Variants in IMPA2 observed in about 807,000 individuals in gnomAD.
IMPA2 encodes the protein inositol monophosphatase 2, also known as IMP 2.
In IMPA2, 32 loss-of-function variants were observed where a neutral mutation model predicts 35.1. The observed-to-expected ratio is 0.91, with a 90% CI of 0.69 to 1.23. The LOEUF (loss-of-function observed/expected upper bound fraction) is 1.23. IMPA2 is among the 50% of genes most tolerant of loss of function. IMPA2 has a pLI of 0.00. For missense variants in IMPA2, 334 were observed against 387.6 expected, an observed-to-expected ratio of 0.86 and a Z score of 1.16; for synonymous variants, 135 against 160.6, an observed-to-expected ratio of 0.84 and a Z score of 1.20.
chr18:12,003,887 G>A (rs1164829189), intron 2 of IMPA2, among the ~76,000 whole-genome samples: 5 of 152,176 alleles, frequency 3.3e-5, no homozygotes, highest in Admixed American at 6.5e-5. Flanking sequence ...TAGAAACCCC[G>A]TCCTTGTCCC....
chr18:12,030,060 A>G (rs115767698), intron 7 of IMPA2, among the ~76,000 whole-genome samples: 2,128 of 152,236 alleles, frequency 0.014, 43 homozygotes, highest in African/African-American at 0.046. Context: ...ATTTCTTAGG[A>G]CTTTTATGTT....
chr18:12,024,144 T>C (rs1466884887), intron 5 of IMPA2, among the ~76,000 whole-genome samples: 5 of 152,246 alleles, frequency 3.3e-5, no homozygotes, highest in Admixed American at 2.0e-4. Flanking sequence ...AGAGTGCGGC[T>C]GTTAAGAGTA....
At chr18:12,030,197 A>G (rs1908007529) in intron 7 of IMPA2, 146 bp from the exon 8 acceptor site, 1 of 649,620 alleles carries the variant, frequency 1.5e-6, no homozygotes, top group African/African-American at 1.8e-5. Flanking sequence ...TCACTCCTAG[A>G]CCACCTGTTT....
chr18:11,993,652 AG>A (rs1448663857), intron 1 of IMPA2, among the ~76,000 whole-genome samples: 33 of 152,340 alleles, frequency 2.2e-4, no homozygotes, highest in African/African-American at 7.7e-4. Context: ...ACCCAGGAAG[AG>A]GGGCCTCAGC....
At chr18:12,023,026 C>T (rs1264922756) in intron 5 of IMPA2, among the ~76,000 whole-genome samples, 1 of 146,336 alleles carries the variant, frequency 6.8e-6, no homozygotes, top group African/African-American at 2.5e-5. Flanking sequence ...AACTCCTGGC[C>T]TCAAATGATC....
intron 1 of IMPA2, among the ~76,000 whole-genome samples, chr18:11,986,717 G>C (rs1906676473): frequency 6.6e-6 from 1 of 152,202 alleles, no homozygotes; most frequent in Non-Finnish European, 1.5e-5. Flanking sequence ...CTCACCCCTT[G>C]TCCTGTGTCC....
chr18:11,981,589 T>C lies in IMPA2; in HGVS notation c.-81T>C. 1 of 949,330 alleles carries C rather than the reference T, an allele frequency of 1.1e-6. No individual in the cohort carries two copies. The highest frequency in any genetic ancestry group is 1.4e-6 in the Non-Finnish European group (1 of 734,778). 58.8% of individuals were successfully genotyped at this position (949,330 alleles called of 1,614,324 possible). ...GAGCAGGCACAGGGAGTGTGGAGCC[T>C]GGCGGCGGGACGGCGGGATCCGGTG... On this transcript the variant is annotated 5_prime_UTR_variant, in exon 1 of 8. Coordinates refer to ENST00000269159, the MANE Select transcript of IMPA2 (RefSeq NM_014214.3).
chr18:12,007,598 T>TTC (rs1371764680), intron 2 of IMPA2, among the ~76,000 whole-genome samples: 499 of 147,254 alleles, frequency 3.4e-3, no homozygotes, highest in African/African-American at 7.3e-3. Flanking sequence ...TTTTCTTTCT[T>TTC]TCTTTCTCTT....
At chr18:12,007,667 CTTT>C (rs774065438) in intron 2 of IMPA2, among the ~76,000 whole-genome samples, 25 of 98,522 alleles carry the variant, frequency 2.5e-4, no homozygotes, top group African/African-American at 5.1e-4. Context: ...TTCTTTCTTT[CTTT>C]CTTTCTTTCC....
chr18:12,008,740 T>C, intron 2 of IMPA2: 1 of 360,856 alleles, frequency 2.8e-6, no homozygotes, highest in East Asian at 7.3e-5. Context: ...GAGTTGCCAT[T>C]CGTGGAGGTA....
chr18:11,998,784 G>C (rs1030308190), intron 1 of IMPA2, among the ~76,000 whole-genome samples: 2 of 152,114 alleles, frequency 1.3e-5, no homozygotes, highest in Non-Finnish European at 2.9e-5. Flanking sequence ...TCAAGTAATG[G>C]AGAAATAATT....
chr18:11,985,858 A>G lies in IMPA2; in HGVS notation c.96+4093A>G, dbSNP rs535590792. The stretch of plus-strand genomic sequence containing the variant: ...TCTACTCAGCTTATCTTTAGCCCAC[A>G]CTGGCTGTATCCACGCCAGTGCCAC... On this transcript the variant is annotated intron_variant, in intron 1 of 7. Transcript: ENST00000269159. 2.0e-5 allele frequency among the ~76,000 whole-genome samples: 3 copies of G among 152,298 alleles called. No individual in the cohort carries two copies. The South Asian group carries it at 6.2e-4, about 32-fold the overall frequency.
rs1568041008 is a variant in IMPA2, at chr18:12,030,326, T to G, written c.752-17T>G. 6.2e-7 allele frequency: 1 copy of G among 1,606,544 alleles called. No individual in the cohort carries two copies. The highest frequency in any genetic ancestry group is 8.5e-7 in the Non-Finnish European group (1 of 1,173,164). On this transcript the variant is annotated splice_polypyrimidine_tract_variant and intron_variant, in intron 7 of 7. Coordinates refer to ENST00000269159, the MANE Select transcript of IMPA2 (RefSeq NM_014214.3). ...CTCTGGTAACCCGGATGCCTGGCTC[T>G]CTCTGTCTGTCCCCAGGTGGACCCC... is the stretch of plus-strand genomic sequence containing the variant.
intron 7 of IMPA2, 36 bp downstream of exon 7, chr18:12,029,029 A>ACTAGACT (rs763183085): frequency 6.2e-7 from 1 of 1,601,354 alleles, no homozygotes; most frequent in Non-Finnish European, 8.5e-7. Flanking sequence ...AGCGGCAGAA[A>ACTAGACT]CTAGACTGAG....
intron 1 of IMPA2, among the ~76,000 whole-genome samples, chr18:11,992,709 G>A (rs1245647487): frequency 1.3e-5 from 2 of 152,172 alleles, no homozygotes; most frequent in African/African-American, 4.8e-5. Context: ...TAAAAACCAG[G>A]ATACCTAACT....
At chr18:12,007,307 A>G (rs1907277362) in intron 2 of IMPA2, among the ~76,000 whole-genome samples, 1 of 152,198 alleles carries the variant, frequency 6.6e-6, no homozygotes, top group Admixed American at 6.5e-5. Flanking sequence ...GTGGCTCATG[A>G]GACTGAAGAA....
At chr18:12,003,667 AAAGG>A (rs1366444977) in intron 2 of IMPA2, among the ~76,000 whole-genome samples, 146 of 24,352 alleles carry the variant, frequency 6.0e-3, no homozygotes, top group South Asian at 0.033. Context: ...AAAAAAAAGA[AAAGG>A]AAAAAAAAAA....
chr18:12,006,752 C>T (rs907180792), intron 2 of IMPA2, among the ~76,000 whole-genome samples: 1 of 152,194 alleles, frequency 6.6e-6, no homozygotes, highest in South Asian at 2.1e-4. Context: ...CAGGCATGAA[C>T]TTCATAACCC....
At chr18:12,028,439 C>T (rs1015604971) in intron 6 of IMPA2, 12 of 463,304 alleles carry the variant, frequency 2.6e-5, no homozygotes, top group African/African-American at 2.1e-4. Flanking sequence ...ACAGTCCTTC[C>T]CGAGGGGGCC....
Sources: allele counts gnomAD v4.1 joint callset (sites outside exome capture counted in the v4.1 genomes callset), GRCh38; gene constraint gnomAD v4.1.1; transcripts MANE v1.5; gene names NCBI Gene and HGNC (gene_info 2026-07-23, HGNC 2026-07-21).